RNF139: variants seen among roughly 807,000 people sequenced by gnomAD.
RNF139 encodes E3 ubiquitin-protein ligase RNF139.
In RNF139, 15 loss-of-function variants were observed where a neutral mutation model predicts 49.5. That is an observed-to-expected ratio of 0.30 (90% confidence interval 0.20 to 0.47). RNF139 has a LOEUF of 0.47. Ranked by LOEUF, RNF139 falls within the 20% of genes least tolerant of loss-of-function variation. The pLI, the probability that RNF139 is intolerant of heterozygous loss-of-function variation, is 1.00. For missense variants in RNF139, 619 were observed against 806.3 expected (o/e 0.77, Z 2.81); for synonymous variants, 325 against 300.9 (o/e 1.08, Z -0.83).
intron 1 of RNF139, among the ~76,000 whole-genome samples, chr8:124,482,785 G>C (rs1000269539): frequency 2.7e-5 from 4 of 150,350 alleles, no homozygotes; most frequent in Non-Finnish European, 5.9e-5. Context: ...AATTAGCTGG[G>C]AGTGGTGGTA....
In RNF139 at chr8:124,486,401, C is replaced by T. The variant is rs1816530410; in HGVS notation, c.752C>T (p.Thr251Ile). Reference protein sequence around the residue: ...FWLTRVTAQATVLMYILRMAN... With the variant: ...FWLTRVTAQAIVLMYILRMAN... ...CTAACAAGAGTTACAGCTCAGGCTA[C>T]AGTGTTAATGTACATCTTAAGGATG... The change falls in exon 2 of 2, where the codon ACA becomes ATA. Residue 251 changes from threonine (T) to isoleucine (I), a missense_variant. By Grantham distance (89) the Thr-to-Ile change is moderately conservative (BLOSUM62 -1). Transcript: ENST00000303545. 2 of 1,614,048 alleles carry T rather than the reference C, an allele frequency of 1.2e-6. No individual in the cohort carries two copies. The highest frequency in any genetic ancestry group is 3.3e-5 in the Admixed American group (2 of 60,010).
chr8:124,488,350 T>G lies in RNF139; in HGVS notation c.*706T>G. ...GTATTGTCATAAAATTGTCCTTTCA[T>G]TCTTTTGAAGATATTACAAAACAAA... is the stretch of plus-strand genomic sequence containing the variant. On this transcript the variant is annotated 3_prime_UTR_variant, in exon 2 of 2. Transcript: ENST00000303545. 3.7e-6 allele frequency: 1 copy of G among 273,134 alleles called. No homozygotes were observed. Among genetic ancestry groups the G allele is most frequent in the South Asian group, 9.2e-5 (1 of 10,924 alleles). 16.9% of individuals were successfully genotyped at this position (273,134 alleles called of 1,614,324 possible). A position where few individuals can be genotyped will look rare whatever the true frequency, so the allele number is the denominator to read the frequency against.
At chr8:124,485,064 A>G (rs1816506014) in intron 1 of RNF139, among the ~76,000 whole-genome samples, 2 of 151,108 alleles carry the variant, frequency 1.3e-5, no homozygotes, top group African/African-American at 2.4e-5. Flanking sequence ...AGAATCCTTT[A>G]AAAAAAAATC....
intron 1 of RNF139, among the ~76,000 whole-genome samples, chr8:124,482,977 AATAT>A (rs377661619): frequency 1.1e-5 from 1 of 91,474 alleles, no homozygotes; most frequent in South Asian, 4.5e-4. Context: ...ATATTATTTA[AATAT>A]ATATATATTT....
chr8:124,481,005 T>G (rs1816398484), intron 1 of RNF139, among the ~76,000 whole-genome samples: 1 of 152,204 alleles, frequency 6.6e-6, no homozygotes, highest in African/African-American at 2.4e-5. Flanking sequence ...GGGTTTGGCT[T>G]TTTAAAATCC....
Position 124,487,527 on chromosome 8 carries a change from CAG to C in RNF139, c.1879_1880del (p.Arg627GlyfsTer6), listed in dbSNP as rs1816559313. On this transcript the variant is annotated frameshift_variant, in exon 2 of 2. Coordinates refer to ENST00000303545, the MANE Select transcript of RNF139 (RefSeq NM_007218.4). LOFTEE classifies it high-confidence loss of function. ...TAAGAGAAGCTGCTGCTGAATCTGA[CAG>C]GGAATTGAACGAAGATGACAGTACA... The part of the protein sequence containing the change: ...AVREAAAESD[R>X]ELNEDDSTDC... 3 of 1,614,020 alleles carry C rather than the reference CAG, an allele frequency of 1.9e-6. No homozygotes were observed. Among genetic ancestry groups the C allele is most frequent in the Non-Finnish European group, 8.5e-7 (1 of 1,179,990 alleles).
chr8:124,475,192 T>G lies in RNF139; in HGVS notation c.83T>G (p.Val28Gly), dbSNP rs1586519004. Residue 28 changes from valine (V) to glycine (G), a missense_variant, in exon 1 of 2, where the codon GTG becomes GGG. Val to Gly is a moderately radical substitution (Grantham distance 109). Coordinates refer to ENST00000303545, the MANE Select transcript of RNF139 (RefSeq NM_007218.4). ...VWAALEVALR[V>G]PCLYIIDAIF... is the part of the protein sequence containing the mutation. ...GCGGCGCTCGAAGTGGCGCTCCGGG[T>G]GCCCTGCCTTTACATCATCGACGCC... 2 of 1,613,410 alleles carry G rather than the reference T, an allele frequency of 1.2e-6. No homozygotes were observed. The highest frequency in any genetic ancestry group is 1.7e-6 in the Non-Finnish European group (2 of 1,179,684).
chr8:124,483,314 C>T (rs1300031561), intron 1 of RNF139: 2 of 150,648 alleles, frequency 1.3e-5, no homozygotes, highest in African/African-American at 4.9e-5. Context: ...AGAGTCATCA[C>T]TTAAATGAAC....
In RNF139 at chr8:124,487,420, A is replaced by G. The variant is rs918652745; in HGVS notation, c.1771A>G (p.Ile591Val). Residue 591 changes from isoleucine to valine, a missense_variant, in exon 2 of 2, where the codon ATC becomes GTC. Physicochemically the swap from Ile to Val is conservative, Grantham distance 29. Around this residue, in one of 2 missense-constraint regions of RNF139, gnomAD observed 530 missense variants for 728.9 expected, o/e 0.73. Coordinates refer to ENST00000303545, the MANE Select transcript of RNF139 (RefSeq NM_007218.4). ...TCPMCHQKVYIEDDIKDNSNV... is the reference protein window; with the variant it reads ...TCPMCHQKVYVEDDIKDNSNV... ...TCCAATGTGCCATCAGAAAGTATAC[A>G]TCGAAGATGATATCAAGGATAATTC... The G allele has an allele frequency of 2.5e-6, 4 of 1,614,052 alleles. No homozygotes were observed. The Admixed American group carries it at 5.0e-5, about 20-fold the overall frequency.
At chr8:124,482,956 A>ATT (rs1563631008) in intron 1 of RNF139, among the ~76,000 whole-genome samples, 5 of 95,592 alleles carry the variant, frequency 5.2e-5, no homozygotes, top group Non-Finnish European at 1.0e-4. Flanking sequence ...ATATATATAT[A>ATT]TAATATATAT....
At chr8:124,483,900 G>T (rs1034571958) in intron 1 of RNF139, among the ~76,000 whole-genome samples, 1 of 152,020 alleles carries the variant, frequency 6.6e-6, no homozygotes, top group Non-Finnish European at 1.5e-5. Context: ...TACTTATTTT[G>T]TACAAAATAT....
chr8:124,479,785 T>C (rs565694652), intron 1 of RNF139, among the ~76,000 whole-genome samples: 1 of 152,158 alleles, frequency 6.6e-6, no homozygotes, highest in Non-Finnish European at 1.5e-5. Context: ...CACCAATGTA[T>C]ATATAGAAAT....
At position 124,475,216 on chromosome 8, in the gene RNF139, C is replaced by T; in HGVS notation, c.107C>T (p.Ala36Val). 1 of 1,614,008 alleles carries T rather than the reference C, an allele frequency of 6.2e-7. No individual in the cohort carries two copies. Among genetic ancestry groups the T allele is most frequent in the Non-Finnish European group, 8.5e-7 (1 of 1,179,958 alleles). Residue 36 changes from alanine to valine, a missense_variant, in exon 1 of 2, where the codon GCC (alanine) becomes GTC (valine). Physicochemically the swap from Ala to Val is moderately conservative, Grantham distance 64 (BLOSUM62 0). Around this residue, in one of 2 missense-constraint regions of RNF139, gnomAD observed 89 missense variants for 77.5 expected, o/e 1.15. Coordinates refer to ENST00000303545, the MANE Select transcript of RNF139 (RefSeq NM_007218.4). ...LRVPCLYIIDAIFNSYPDSSQ... is the reference protein window; with the variant it reads ...LRVPCLYIIDVIFNSYPDSSQ... The stretch of plus-strand genomic sequence containing the variant: ...GTGCCCTGCCTTTACATCATCGACG[C>T]CATCTTCAACTCCTACCCGGATTCC...
chr8:124,478,402 A>C (rs2131298126), intron 1 of RNF139, among the ~76,000 whole-genome samples: 1 of 152,156 alleles, frequency 6.6e-6, no homozygotes, highest in Admixed American at 6.5e-5. Flanking sequence ...AGATTGCTTG[A>C]GGCCAGGAGT....
chr8:124,474,963 G>A lies in RNF139; in HGVS notation c.-147G>A. The A allele has an allele frequency of 2.2e-6, 1 of 444,464 alleles. No individual in the cohort carries two copies. Among genetic ancestry groups the A allele is most frequent in the Non-Finnish European group, 3.5e-6 (1 of 283,772 alleles). The allele number at this position is 444,464 out of a possible 1,614,324, so 27.5% of individuals were successfully genotyped here. On this transcript the variant is annotated 5_prime_UTR_variant, in exon 1 of 2. Coordinates refer to ENST00000303545, the MANE Select transcript of RNF139 (RefSeq NM_007218.4). This position sits in a 1 kb window ranked among gnomAD's most constrained non-coding sequence, Gnocchi z 4.6. ...TGCTCCACCTCGAGGGACGCGAGCG[G>A]GCGGCGGGGCTGGCCGTGAGAGAGA...
chr8:124,487,081 G>C lies in RNF139; in HGVS notation c.1432G>C (p.Val478Leu), dbSNP rs1816548487. Residue 478 changes from valine (V) to leucine (L), a missense_variant, in exon 2 of 2, where the codon GTA becomes CTA. This residue lies in a region of RNF139 where 530 missense variants were observed against 728.9 expected (regional missense o/e 0.73). Transcript: ENST00000303545. ...TATTATTGAATTTATATTTGGAGTT[G>C]TAATGTTTGGAAATGGGGCTTACAC... ...GSIIEFIFGV[V>L]MFGNGAYTMM... 1 of 1,613,824 alleles carries C rather than the reference G, an allele frequency of 6.2e-7. No individual in the cohort carries two copies. Among genetic ancestry groups the C allele is most frequent in the Non-Finnish European group, 8.5e-7 (1 of 1,179,958 alleles).
At position 124,488,364 on chromosome 8, in the gene RNF139, T is replaced by TAC. The variant is rs1563633912; in HGVS notation, c.*720_*721insAC. On this transcript the variant is annotated 3_prime_UTR_variant, in exon 2 of 2. Transcript: ENST00000303545. Reference sequence around the variant, plus strand: ...TTGTCCTTTCATTCTTTTGAAGATATTACAAAACAAAAATAGTTTTTTTTA... The same window carrying TAC: ...TTGTCCTTTCATTCTTTTGAAGATATACTACAAAACAAAAATAGTTTTTTTTA... 1.9e-5 allele frequency: 6 copies of TAC among 309,068 alleles called. No individual in the cohort carries two copies. Among genetic ancestry groups the TAC allele is most frequent in the African/African-American group, 1.1e-4 (5 of 45,708 alleles). The allele number at this position is 309,068 out of a possible 1,614,324, so 19.1% of individuals were successfully genotyped here.
At chr8:124,477,991 T>C (rs914427453) in intron 1 of RNF139, among the ~76,000 whole-genome samples, 3 of 152,054 alleles carry the variant, frequency 2.0e-5, no homozygotes, top group East Asian at 3.9e-4. Flanking sequence ...ATAAAATACT[T>C]CTATCATAAG....
chr8:124,486,057 A>G lies in RNF139; in HGVS notation c.408A>G (p.Thr136=), dbSNP rs141727233. 1,231 of 1,614,184 alleles carry G rather than the reference A, an allele frequency of 7.6e-4. 1 individual carries two copies. Among genetic ancestry groups the G allele is most frequent in the Non-Finnish European group, 9.6e-4 (1,138 of 1,180,018 alleles). ...LWMALIVLQL[T]FGIGYVTLLQ... Reference sequence around the variant, plus strand: ...TGGCACTTATCGTTCTACAGCTAACATTTGGAATTGGATACGTTACACTAC... The same window carrying G: ...TGGCACTTATCGTTCTACAGCTAACGTTTGGAATTGGATACGTTACACTAC... Residue 136 remains threonine (T), a synonymous_variant, in exon 2 of 2, where the codon ACA becomes ACG. Transcript: ENST00000303545.
Sources: gnomAD v4.1 joint callset for allele counts (sites outside exome capture counted in the v4.1 genomes callset) on GRCh38, gnomAD v4.1.1 for gene constraint, gnomAD v4.1.1 regional missense constraint, Gnocchi (gnomAD v3.1) non-coding constraint, MANE v1.5 for transcripts, NCBI Gene and HGNC (gene_info 2026-07-23, HGNC 2026-07-21) for gene names.